The following PAPPA variants were observed in gnomAD, a reference collection of about 807,000 sequenced individuals.
PAPPA encodes the protein pappalysin-1.
In PAPPA, 60 loss-of-function variants were observed where a neutral mutation model predicts 164.0. The observed-to-expected ratio is 0.37, with a 90% CI of 0.30 to 0.45. PAPPA has a LOEUF of 0.45. PAPPA is among the 20% of genes least tolerant of loss of function. PAPPA has a pLI of 1.00. For synonymous variants in PAPPA, 875 were observed against 814.1 expected, an observed-to-expected ratio of 1.07 and a Z score of -1.27; for missense variants, 1,782 against 2,087.3, an observed-to-expected ratio of 0.85 and a Z score of 2.85.
At chr9:116,217,042 A>G (rs902302382) in intron 4 of PAPPA, among the ~76,000 whole-genome samples, 3 of 152,104 alleles carry the variant, frequency 2.0e-5, no homozygotes, top group African/African-American at 7.2e-5. Flanking sequence ...GCCCAGCCTC[A>G]ACTTCAGCTT....
At chr9:116,189,421 G>T (rs1458510748) in intron 2 of PAPPA, among the ~76,000 whole-genome samples, 2 of 152,074 alleles carry the variant, frequency 1.3e-5, no homozygotes, top group Non-Finnish European at 2.9e-5. Context: ...CCTGAAAAAA[G>T]AATAGGTAAA....
chr9:116,289,018 G>A (rs1845380273), intron 9 of PAPPA: 1 of 151,284 alleles, frequency 6.6e-6, no homozygotes, highest in African/African-American at 2.4e-5. Flanking sequence ...GGTAGACATA[G>A]CATCCACTTG....
Position 116,400,260 on chromosome 9 carries a change from C to T in PAPPA, c.*3644C>T, listed in dbSNP as rs1301860292. 1 of 152,146 alleles carries T rather than the reference C, an allele frequency of 6.6e-6. No individual in the cohort carries two copies. The highest frequency in any genetic ancestry group is 6.6e-5 in the Admixed American group (1 of 15,264). 9.4% of individuals were successfully genotyped at this position (152,146 alleles called of 1,614,324 possible). On this transcript the variant is annotated 3_prime_UTR_variant, in exon 22 of 22. Coordinates refer to ENST00000328252, the MANE Select transcript of PAPPA (RefSeq NM_002581.5). ...TGTTTCCTAAAGGAAATTGTTTATT[C>T]TACAGCCTCAGTAGGTAGACACAAA...
At chr9:116,370,465 T>G (rs898213345) in intron 19 of PAPPA, among the ~76,000 whole-genome samples, 1 of 152,234 alleles carries the variant, frequency 6.6e-6, no homozygotes, top group Non-Finnish European at 1.5e-5. Context: ...AGGCAATACA[T>G]TTAGTGATGG....
intron 5 of PAPPA, among the ~76,000 whole-genome samples, chr9:116,221,523 A>G (rs1202714947): frequency 2.6e-5 from 4 of 152,194 alleles, no homozygotes; most frequent in Non-Finnish European, 5.9e-5. Context: ...TGTACAAAAC[A>G]AATCATCTTC....
intron 9 of PAPPA, among the ~76,000 whole-genome samples, chr9:116,272,669 G>A (rs1190555294): frequency 6.6e-6 from 1 of 152,140 alleles, no homozygotes; most frequent in Non-Finnish European, 1.5e-5. Context: ...AAAAGACATG[G>A]GAGTTTCTAG....
At chr9:116,303,365 G>T (rs1220773598) in intron 10 of PAPPA, among the ~76,000 whole-genome samples, 2 of 152,046 alleles carry the variant, frequency 1.3e-5, no homozygotes, top group African/African-American at 4.8e-5. Flanking sequence ...CCACCTCTCT[G>T]GGCCCTATTT....
At chr9:116,310,042 G>C (rs558522919) in intron 10 of PAPPA, among the ~76,000 whole-genome samples, 1 of 152,286 alleles carries the variant, frequency 6.6e-6, no homozygotes, top group Admixed American at 6.5e-5. Context: ...CAGGATACTG[G>C]TATTGCATTA....
intron 6 of PAPPA, among the ~76,000 whole-genome samples, chr9:116,233,187 A>G (rs1439523942): frequency 6.6e-6 from 1 of 152,274 alleles, no homozygotes; most frequent in African/African-American, 2.4e-5. Context: ...CACTGTATTA[A>G]GCAAAAGCTA....
intron 7 of PAPPA, among the ~76,000 whole-genome samples, chr9:116,237,072 T>A (rs1262068787): frequency 6.6e-6 from 1 of 152,258 alleles, no homozygotes; most frequent in Non-Finnish European, 1.5e-5. Flanking sequence ...TCTGTCTACT[T>A]GAAAATATTC....
chr9:116,391,731 A>C (rs1275762670), intron 21 of PAPPA, among the ~76,000 whole-genome samples: 1 of 152,196 alleles, frequency 6.6e-6, no homozygotes, highest in Non-Finnish European at 1.5e-5. Flanking sequence ...TTGCTAACAC[A>C]ATCCCAGAGT....
intron 13 of PAPPA, among the ~76,000 whole-genome samples, chr9:116,338,818 C>T (rs1353937659): frequency 6.6e-6 from 1 of 152,212 alleles, no homozygotes; most frequent in Non-Finnish European, 1.5e-5. Flanking sequence ...TCCAGTTGCT[C>T]CGTATCCTTG....
chr9:116,305,090 C>A (rs1418076603), intron 10 of PAPPA, among the ~76,000 whole-genome samples: 2 of 150,460 alleles, frequency 1.3e-5, no homozygotes, highest in Non-Finnish European at 1.5e-5. Flanking sequence ...CACCACCACA[C>A]ACAGAGGCAC....
intron 21 of PAPPA, among the ~76,000 whole-genome samples, chr9:116,385,005 G>A (rs1846788177): frequency 6.6e-6 from 1 of 151,982 alleles, no homozygotes; most frequent in Non-Finnish European, 1.5e-5. Context: ...TCTCTCTACA[G>A]AGTGCATTGT....
intron 6 of PAPPA, among the ~76,000 whole-genome samples, chr9:116,229,063 T>C (rs1844552620): frequency 6.6e-6 from 1 of 152,116 alleles, no homozygotes; most frequent in South Asian, 2.1e-4. Context: ...CCAATTACCA[T>C]TCAATGTGAA....
intron 9 of PAPPA, among the ~76,000 whole-genome samples, chr9:116,284,082 G>A (rs564661779): frequency 6.6e-6 from 1 of 152,250 alleles, no homozygotes; most frequent in South Asian, 2.1e-4. Flanking sequence ...CACCTCTTAT[G>A]TGCCAGGTTC....
At chr9:116,253,977 A>G (rs969500373) in intron 7 of PAPPA, among the ~76,000 whole-genome samples, 1 of 152,126 alleles carries the variant, frequency 6.6e-6, no homozygotes, top group African/African-American at 2.4e-5. Context: ...ATGGTCTTCC[A>G]CCAAACAAGT....
intron 9 of PAPPA, among the ~76,000 whole-genome samples, chr9:116,292,698 T>C (rs1485046419): frequency 2.6e-5 from 4 of 152,158 alleles, no homozygotes; most frequent in Non-Finnish European, 4.4e-5. Flanking sequence ...TTTTAGGCAG[T>C]TGGGACTCAG....
Position 116,235,217 on chromosome 9 carries a change from T to C in PAPPA, c.2312T>C (p.Val771Ala), listed in dbSNP as rs1844646566. 1 of 1,614,126 alleles carries C rather than the reference T, an allele frequency of 6.2e-7. No individual in the cohort carries two copies. The part of the protein sequence containing the change: ...SPNSAVNPHT[V>A]PPACPEPQGC... ...AATTCAGCTGTCAACCCACACACGG[T>C]TCCTCCAGCCTGCCCTGAGCCTCAA... Residue 771 changes from valine (V) to alanine (A), a missense_variant, in exon 7 of 22, where the codon GTT (valine) becomes GCT (alanine). This residue lies in a region of PAPPA where 1,324 missense variants were observed against 1,656.9 expected (regional missense o/e 0.80). Transcript: ENST00000328252.
Sources: allele counts gnomAD v4.1 joint callset (sites outside exome capture counted in the v4.1 genomes callset), GRCh38; gene constraint gnomAD v4.1.1; regional missense constraint gnomAD v4.1.1; transcripts MANE v1.5; gene names NCBI Gene and HGNC (gene_info 2026-07-23, HGNC 2026-07-21).